GLRA3: variants seen among roughly 807,000 people sequenced by gnomAD.
GLRA3 encodes glycine receptor alpha 3.
Under a neutral mutation model 60.4 loss-of-function variants are expected in GLRA3, and 44 were observed. The ratio of observed to expected loss-of-function variants is 0.73; its 90% CI spans 0.57 to 0.94. The LOEUF is 0.94. Ranked by LOEUF, GLRA3 falls within the 40% of genes least tolerant of loss-of-function variation. The pLI, the probability that GLRA3 is intolerant of heterozygous loss-of-function variation, is 0.00. For missense variants in GLRA3, 508 were observed against 564.6 expected (o/e 0.90, Z 1.02); for synonymous variants, 223 against 192.9 (o/e 1.16, Z -1.29).
chr4:174,645,434 A>G (rs974493413), intron 9 of GLRA3, among the ~76,000 whole-genome samples: 2 of 151,710 alleles, frequency 1.3e-5, no homozygotes, highest in East Asian at 1.9e-4. Flanking sequence ...AAAAAAAAAA[A>G]AAAAGAAAAT....
intron 9 of GLRA3, among the ~76,000 whole-genome samples, chr4:174,654,415 T>A (rs1012340386): frequency 6.6e-6 from 1 of 152,124 alleles, no homozygotes; most frequent in Non-Finnish European, 1.5e-5. Flanking sequence ...GATATCTTTA[T>A]TTTTTCAAAA....
At chr4:174,807,942 C>A (rs28369010) in intron 1 of GLRA3, among the ~76,000 whole-genome samples, 1 of 152,002 alleles carries the variant, frequency 6.6e-6, no homozygotes, top group African/African-American at 2.4e-5. Context: ...ATCCTAGGAG[C>A]TGATCCAACT....
intron 6 of GLRA3, 96 bp from the exon 7 acceptor site, chr4:174,677,388 C>G: frequency 1.4e-6 from 1 of 704,218 alleles, no homozygotes; most frequent in Non-Finnish European, 2.5e-6. Flanking sequence ...GAGACAGGGT[C>G]TCACTCTGTC....
intron 1 of GLRA3, among the ~76,000 whole-genome samples, chr4:174,817,974 G>C (rs574107783): frequency 2.6e-5 from 4 of 152,136 alleles, no homozygotes; most frequent in East Asian, 1.9e-4. Flanking sequence ...TTCTGCTAAA[G>C]AGAGATTATC....
At chr4:174,718,492 GACAA>G (rs1212214213) in intron 4 of GLRA3, among the ~76,000 whole-genome samples, 7 of 152,148 alleles carry the variant, frequency 4.6e-5, no homozygotes, top group African/African-American at 9.7e-5. Flanking sequence ...AATAATTTGT[GACAA>G]ACAATTGACC....
At chr4:174,740,749 G>A (rs1736988893) in intron 3 of GLRA3, among the ~76,000 whole-genome samples, 1 of 152,160 alleles carries the variant, frequency 6.6e-6, no homozygotes, top group South Asian at 2.1e-4. Flanking sequence ...TCCCTGTGTT[G>A]CCCTTTTGTC....
chr4:174,809,470 C>T (rs1425260295), intron 1 of GLRA3, among the ~76,000 whole-genome samples: 1 of 152,194 alleles, frequency 6.6e-6, no homozygotes, highest in Non-Finnish European at 1.5e-5. Context: ...CTGTGACTCA[C>T]ACCTGTAATC....
Position 174,691,539 on chromosome 4 carries a change from G to A in GLRA3, c.575-8600C>T, listed in dbSNP as rs575652913. Among the ~76,000 whole-genome samples, 1,121 of 152,336 alleles carry A rather than the reference G, an allele frequency of 7.4e-3. 13 individuals are homozygous for A. The highest frequency in any genetic ancestry group is 0.025 in the African/African-American group (1,042 of 41,586). ...CGAGTGCCTGCGATTGCAGGCGCGC[G>A]CGCCGCCACGCCTGACTGGTTTTCG... On this transcript the variant is annotated intron_variant, in intron 5 of 9. Coordinates refer to ENST00000274093, the MANE Select transcript of GLRA3 (RefSeq NM_006529.4).
At chr4:174,820,828 A>G (rs116318529) in intron 1 of GLRA3, among the ~76,000 whole-genome samples, 1,756 of 152,194 alleles carry the variant, frequency 0.012, 36 homozygotes, top group African/African-American at 0.04. Flanking sequence ...CTCACACCCT[A>G]CTGCTATAGT....
chr4:174,754,172 G>A (rs1162396209), intron 3 of GLRA3, among the ~76,000 whole-genome samples: 1 of 152,132 alleles, frequency 6.6e-6, no homozygotes, highest in Non-Finnish European at 1.5e-5. Flanking sequence ...GGATGACTTG[G>A]TGGATGAATT....
chr4:174,699,271 G>A (rs886113952), intron 5 of GLRA3, among the ~76,000 whole-genome samples: 7 of 152,132 alleles, frequency 4.6e-5, no homozygotes, highest in Non-Finnish European at 1.0e-4. Flanking sequence ...CAAAGTGCTG[G>A]GATTACAAGC....
chr4:174,739,311 G>T (rs1351635532), intron 3 of GLRA3, among the ~76,000 whole-genome samples: 1 of 152,108 alleles, frequency 6.6e-6, no homozygotes, highest in East Asian at 1.9e-4. Context: ...TACATTGTGG[G>T]GCAGAAAGCT....
intron 4 of GLRA3, among the ~76,000 whole-genome samples, chr4:174,723,381 A>T (rs780917031): frequency 5.9e-5 from 9 of 152,098 alleles, no homozygotes; most frequent in Non-Finnish European, 1.2e-4. Context: ...CCTCTCAAAC[A>T]AAAAGTAGTC....
At chr4:174,793,420 AT>A (rs2111318757) in intron 1 of GLRA3, among the ~76,000 whole-genome samples, 1 of 80,082 alleles carries the variant, frequency 1.2e-5, no homozygotes. Context: ...CAAAATTTAC[AT>A]TCATTTATTT....
At chr4:174,736,535 A>G (rs1248974537) in intron 3 of GLRA3, among the ~76,000 whole-genome samples, 1 of 151,774 alleles carries the variant, frequency 6.6e-6, no homozygotes, top group East Asian at 1.9e-4. Context: ...AGATTTACCT[A>G]CTCTGGATAT....
chr4:174,780,380 C>T (rs1314224391), intron 2 of GLRA3, among the ~76,000 whole-genome samples: 1 of 151,636 alleles, frequency 6.6e-6, no homozygotes, highest in African/African-American at 2.4e-5. Context: ...TAAAGACCAT[C>T]GAGACTAGGA....
chr4:174,674,729 C>G (rs1257772649), intron 7 of GLRA3, among the ~76,000 whole-genome samples: 1 of 152,142 alleles, frequency 6.6e-6, no homozygotes, highest in East Asian at 1.9e-4. Flanking sequence ...TGTTTTCCTA[C>G]TTCCTAGAAA....
intron 3 of GLRA3, among the ~76,000 whole-genome samples, chr4:174,729,864 C>T (rs1579517261): frequency 1.3e-5 from 2 of 152,222 alleles, no homozygotes; most frequent in East Asian, 1.9e-4. Context: ...AATTATGAGA[C>T]ATCAGAATAT....
chr4:174,724,859 A>T (rs1579509799), intron 4 of GLRA3, among the ~76,000 whole-genome samples: 2 of 152,198 alleles, frequency 1.3e-5, no homozygotes, highest in African/African-American at 4.8e-5. Context: ...TTCTGGCTTC[A>T]GTGACGTCTA....
Sources: gnomAD v4.1 joint callset for allele counts (sites outside exome capture counted in the v4.1 genomes callset) on GRCh38, gnomAD v4.1.1 for gene constraint, MANE v1.5 for transcripts, NCBI Gene and HGNC (gene_info 2026-07-23, HGNC 2026-07-21) for gene names.